The following OSBPL8 variants were observed in gnomAD, a reference collection of about 807,000 sequenced individuals.
OSBPL8 encodes oxysterol-binding protein-related protein 8.
Under a neutral mutation model 125.5 loss-of-function variants are expected in OSBPL8, and 59 were observed. The ratio of observed to expected loss-of-function variants is 0.47; its 90% CI spans 0.38 to 0.58. The LOEUF is 0.58. Among genes scored for constraint, OSBPL8 ranks in the 20% least tolerant of loss-of-function variants. The pLI, the probability that OSBPL8 is intolerant of heterozygous loss-of-function variation, is 0.00. For missense variants in OSBPL8, 758 were observed against 1,047.8 expected, an observed-to-expected ratio of 0.72 and a Z score of 3.82; for synonymous variants, 330 against 338.9, an observed-to-expected ratio of 0.97 and a Z score of 0.29.
In OSBPL8 at chr12:76,358,618, T is replaced by G. The variant is rs544316173; in HGVS notation, c.2434+88A>C. 3.4e-6 allele frequency: 4 copies of G among 1,160,054 alleles called. No individual in the cohort carries two copies. The African/African-American group carries it at 4.6e-5, about 13-fold the overall frequency. The allele number at this position is 1,160,054 out of a possible 1,614,324, so 71.9% of individuals were successfully genotyped here. On this transcript the variant is annotated intron_variant, in intron 22 of 23. Coordinates refer to ENST00000261183, the MANE Select transcript of OSBPL8 (RefSeq NM_020841.5). ...CTGCCCCGACCAAAACTCACATAAC[T>G]TGAGTTAATATGAAAAACCATATTC...
At chr12:76,505,943 A>G (rs1880370408) in intron 1 of OSBPL8, among the ~76,000 whole-genome samples, 1 of 152,202 alleles carries the variant, frequency 6.6e-6, no homozygotes, top group South Asian at 2.1e-4. Context: ...CTTAAGTAGG[A>G]TCATTTGGGC....
chr12:76,554,799 G>A (rs1951046691), intron 1 of OSBPL8, among the ~76,000 whole-genome samples: 1 of 151,988 alleles, frequency 6.6e-6, no homozygotes, highest in Non-Finnish European at 1.5e-5. Context: ...AGTCCTTTTT[G>A]AATATGGAAA....
chr12:76,365,666 C>G (rs1475285855), intron 21 of OSBPL8, among the ~76,000 whole-genome samples: 2 of 152,074 alleles, frequency 1.3e-5, no homozygotes, highest in African/African-American at 4.8e-5. Context: ...GAATGTTTGT[C>G]TTGTTCCTGA....
At chr12:76,402,664 CT>C in intron 6 of OSBPL8, 24 bp downstream of exon 6, 1 of 1,525,106 alleles carries the variant, frequency 6.6e-7, no homozygotes, top group Non-Finnish European at 9.1e-7. Context: ...TGTAAATTAC[CT>C]TTCAGAAACA....
At chr12:76,458,650 C>T (rs1874348328) in intron 3 of OSBPL8, among the ~76,000 whole-genome samples, 1 of 151,864 alleles carries the variant, frequency 6.6e-6, no homozygotes, top group South Asian at 2.1e-4. Flanking sequence ...TGCTACTGTA[C>T]TCCAGCCTGG....
At chr12:76,474,570 C>T (rs988289349) in intron 2 of OSBPL8, among the ~76,000 whole-genome samples, 8 of 152,250 alleles carry the variant, frequency 5.3e-5, no homozygotes, top group Middle Eastern at 3.4e-3. Flanking sequence ...CAGCCTCAAC[C>T]GCCAGGGCTC....
intron 17 of OSBPL8, among the ~76,000 whole-genome samples, chr12:76,374,241 A>G (rs1050389813): frequency 5.3e-5 from 8 of 152,158 alleles, no homozygotes; most frequent in Non-Finnish European, 1.2e-4. Flanking sequence ...ATTAATTCAC[A>G]TTAAGTTCTC....
intron 3 of OSBPL8, among the ~76,000 whole-genome samples, chr12:76,455,991 T>C (rs1873988589): frequency 6.6e-6 from 1 of 152,242 alleles, no homozygotes; most frequent in Admixed American, 6.5e-5. Flanking sequence ...CTACTCACAT[T>C]ACTCATCTTT....
intron 3 of OSBPL8, among the ~76,000 whole-genome samples, chr12:76,457,429 C>T (rs1172296605): frequency 2.6e-5 from 4 of 152,102 alleles, no homozygotes; most frequent in Non-Finnish European, 4.4e-5. Context: ...TTTATGCATT[C>T]ATGATATACC....
chr12:76,551,795 C>G (rs754572568), intron 1 of OSBPL8, among the ~76,000 whole-genome samples: 1 of 152,138 alleles, frequency 6.6e-6, no homozygotes, highest in Admixed American at 6.6e-5. Flanking sequence ...ATTACAGTCT[C>G]GACTACCTCG....
chr12:76,474,336 A>C (rs1876534827), intron 2 of OSBPL8, among the ~76,000 whole-genome samples: 1 of 152,282 alleles, frequency 6.6e-6, no homozygotes, highest in Non-Finnish European at 1.5e-5. Flanking sequence ...TCAGAAGTCA[A>C]CTTAAGTTTA....
chr12:76,516,628 A>C (rs1185026900), intron 1 of OSBPL8, among the ~76,000 whole-genome samples: 1 of 152,224 alleles, frequency 6.6e-6, no homozygotes, highest in Non-Finnish European at 1.5e-5. Context: ...ACTAAAACAC[A>C]AAAGAGAAAA....
chr12:76,436,336 T>C (rs930404869), intron 4 of OSBPL8, among the ~76,000 whole-genome samples: 4 of 152,166 alleles, frequency 2.6e-5, no homozygotes, highest in African/African-American at 7.2e-5. Context: ...ACTAACTTCA[T>C]GGTTCATTAC....
chr12:76,403,013 A>G (rs1040003747), intron 5 of OSBPL8, among the ~76,000 whole-genome samples: 1 of 152,170 alleles, frequency 6.6e-6, no homozygotes, highest in African/African-American at 2.4e-5. Flanking sequence ...TCATCTGTAG[A>G]TTTTACATTC....
chr12:76,394,062 A>G (rs1953689057), intron 9 of OSBPL8, among the ~76,000 whole-genome samples: 1 of 152,148 alleles, frequency 6.6e-6, no homozygotes, highest in South Asian at 2.1e-4. Flanking sequence ...GATAAAAGTA[A>G]ACTTTGGAAG....
intron 4 of OSBPL8, among the ~76,000 whole-genome samples, chr12:76,442,188 T>C (rs1872269934): frequency 6.6e-6 from 1 of 152,204 alleles, no homozygotes; most frequent in African/African-American, 2.4e-5. Flanking sequence ...AGCTGCCCCC[T>C]ATCTTTGTAA....
At chr12:76,363,914 T>C (rs976604799) in intron 21 of OSBPL8, among the ~76,000 whole-genome samples, 17 of 152,300 alleles carry the variant, frequency 1.1e-4, no homozygotes, top group African/African-American at 4.1e-4. Flanking sequence ...AAATAATCAC[T>C]GGTCCTTAGA....
chr12:76,539,457 C>A (rs1361533922), intron 1 of OSBPL8, among the ~76,000 whole-genome samples: 1 of 151,492 alleles, frequency 6.6e-6, no homozygotes. Context: ...AGACTATGGA[C>A]AAAGATAAAA....
chr12:76,366,345 T>C (rs1952414282), intron 21 of OSBPL8, among the ~76,000 whole-genome samples: 1 of 152,236 alleles, frequency 6.6e-6, no homozygotes, highest in Non-Finnish European at 1.5e-5. Context: ...CAATTATTCA[T>C]AGCATTCTCT....
Sources: gnomAD v4.1 joint callset for allele counts (sites outside exome capture counted in the v4.1 genomes callset) on GRCh38, gnomAD v4.1.1 for gene constraint, MANE v1.5 for transcripts, NCBI Gene and HGNC (gene_info 2026-07-23, HGNC 2026-07-21) for gene names.